The following BEX1 variants were observed in gnomAD, a reference collection of about 807,000 sequenced individuals.
The protein encoded by BEX1 is brain expressed X-linked 1.
For synonymous variants in BEX1, 41 were observed against 33.4 expected (o/e 1.23, Z -0.79); for missense variants, 86 against 99.2 (o/e 0.87, Z 0.57).
intron 1 of BEX1, 120 bp downstream of exon 1, chrX:103,063,976 C>T (rs1194876756): frequency 8.8e-6 from 1 of 114,251 alleles, no homozygotes; most frequent in Non-Finnish European, 1.8e-5. Flanking sequence ...CACTATGTTC[C>T]CAAGAATGTT....
In BEX1 at chrX:103,063,266, G is replaced by A. The variant is rs1457920185; in HGVS notation, c.9C>T (p.Ser3=). The A allele has an allele frequency of 8.3e-7, 1 of 1,206,991 alleles. No homozygotes were observed. Among genetic ancestry groups the A allele is most frequent in the Admixed American group, 2.2e-5 (1 of 45,605 alleles). ...GACTGTTTACTGCTCGTTTCTCTTT[G>A]GACTCCATTACTCCTAGGAGACAAA... is the stretch of plus-strand genomic sequence containing the variant. ME[S]KEKRAVNSLS... Residue 3 remains serine (S), a synonymous_variant, in exon 3 of 3, where the codon TCC becomes TCT. Coordinates refer to ENST00000372728, the MANE Select transcript of BEX1 (RefSeq NM_018476.4).
Position 103,062,736 on chromosome X carries a change from T to A in BEX1, c.*161A>T, listed in dbSNP as rs2063481554. 5.3e-6 allele frequency: 4 copies of A among 755,612 alleles called. No individual in the cohort carries two copies. In the Admixed American group the frequency reaches 1.5e-4, roughly 28 times the overall value. 62.3% of individuals were successfully genotyped at this position (755,612 alleles called of 1,213,427 possible). On this transcript the variant is annotated 3_prime_UTR_variant, in exon 3 of 3. Coordinates refer to ENST00000372728, the MANE Select transcript of BEX1 (RefSeq NM_018476.4). Reference sequence around the variant, plus strand: ...AAAATTCTTCTGCTAACAAAAATCTTACAGACTGGTTCAAAAACACAATAT... The same window carrying A: ...AAAATTCTTCTGCTAACAAAAATCTAACAGACTGGTTCAAAAACACAATAT...
chrX:103,063,097 G>A lies in BEX1; in HGVS notation c.178C>T (p.Leu60=), dbSNP rs138219242. 189 of 1,209,917 alleles carry A rather than the reference G, an allele frequency of 1.6e-4. No homozygotes were observed. Among genetic ancestry groups the A allele is most frequent in the Non-Finnish European group, 2.0e-4 (180 of 895,216 alleles). Residue 60 remains leucine (L), a synonymous_variant, in exon 3 of 3, where the codon CTG becomes TTG. Transcript: ENST00000372728. ...TGCATCATATCCCATCTATACTGCA[G>A]GATGGGCTGCCTAACGCGGAACCGC... is the stretch of plus-strand genomic sequence containing the variant. ...RRRFRVRQPI[L]QYRWDMMHRL...
At position 103,064,156 on chromosome X, in the gene BEX1, G is replaced by T; in HGVS notation, c.-156C>A. 1 of 515,079 alleles carries T rather than the reference G, an allele frequency of 1.9e-6. No homozygotes were observed. The highest frequency in any genetic ancestry group is 2.4e-6 in the Non-Finnish European group (1 of 419,109). 42.4% of individuals were successfully genotyped at this position (515,079 alleles called of 1,213,427 possible). On this transcript the variant is annotated 5_prime_UTR_variant, in exon 1 of 3. Coordinates refer to ENST00000372728, the MANE Select transcript of BEX1 (RefSeq NM_018476.4). ...CCGAGCGCAGGGCAGCGGGGAGCTG[G>T]TAGCGAGACACGAGTGACGACTGCA... is the stretch of plus-strand genomic sequence containing the variant.
At position 103,063,268 on chromosome X, in the gene BEX1, A is replaced by G. The variant is rs769480345; in HGVS notation, c.7T>C (p.Ser3Pro). The change falls in exon 3 of 3, where the codon TCC becomes CCC. Residue 3 changes from serine (S) to proline (P), a missense_variant. Coordinates refer to ENST00000372728, the MANE Select transcript of BEX1 (RefSeq NM_018476.4). MESKEKRAVNSLS... is the reference protein window; with the variant it reads MEPKEKRAVNSLS... ...CTGTTTACTGCTCGTTTCTCTTTGGACTCCATTACTCCTAGGAGACAAAAG... is the reference window on the plus strand; with the variant it reads ...CTGTTTACTGCTCGTTTCTCTTTGGGCTCCATTACTCCTAGGAGACAAAAG... The G allele has an allele frequency of 8.3e-7, 1 of 1,206,169 alleles. No homozygotes were observed. Among genetic ancestry groups the G allele is most frequent in the East Asian group, 3.0e-5 (1 of 33,788 alleles).
chrX:103,063,598 G>A (rs972973145), intron 2 of BEX1, 44 bp downstream of exon 2: 1 of 317,484 alleles, frequency 3.1e-6, no homozygotes, highest in African/African-American at 2.6e-5. Context: ...GGGGACCTCA[G>A]ACTGGACTCT....
rs1017078939 is a variant in BEX1 at position 103,063,361 on chromosome X, T to C, written c.-5-82A>G. ...AGGACAGAGGCACGGCTACTCATTTTTCAGGATTCCGCGTCATGGCTATCA... is the reference window on the plus strand; with the variant it reads ...AGGACAGAGGCACGGCTACTCATTTCTCAGGATTCCGCGTCATGGCTATCA... On this transcript the variant is annotated intron_variant, in intron 2 of 2. Coordinates refer to ENST00000372728, the MANE Select transcript of BEX1 (RefSeq NM_018476.4). The C allele has an allele frequency of 4.1e-6, 4 of 976,307 alleles. No individual in the cohort carries two copies. The African/African-American group carries it at 7.8e-5, about 19-fold the overall frequency. The allele number at this position is 976,307 out of a possible 1,213,427, so 80.5% of individuals were successfully genotyped here. A position where few individuals can be genotyped will look rare whatever the true frequency, so the allele number is the denominator to read the frequency against.
In BEX1 at chrX:103,063,297, A is replaced by C. The variant is rs1324265798; in HGVS notation, c.-5-18T>G. On this transcript the variant is annotated intron_variant, in intron 2 of 2. Coordinates refer to ENST00000372728, the MANE Select transcript of BEX1 (RefSeq NM_018476.4). Reference sequence around the variant, plus strand: ...CATTACTCCTAGGAGACAAAAGGAGAGAGAAGGGGCTGAACAGCTGGTGAA... The same window carrying C: ...CATTACTCCTAGGAGACAAAAGGAGCGAGAAGGGGCTGAACAGCTGGTGAA... 1 of 1,197,675 alleles carries C rather than the reference A, an allele frequency of 8.3e-7. No homozygotes were observed.
rs1921607558 is a variant in BEX1, at chrX:103,063,714, C to G, written c.-78G>C. On this transcript the variant is annotated 5_prime_UTR_variant, in exon 2 of 3. Coordinates refer to ENST00000372728, the MANE Select transcript of BEX1 (RefSeq NM_018476.4). ...GGTGCGCCGCCGGGACACTTGGCCC[C>G]GCAGACCTGCAGAAGGGCTGGGGTG... 1 of 181,035 alleles carries G rather than the reference C, an allele frequency of 5.5e-6. No individual in the cohort carries two copies. The highest frequency in any genetic ancestry group is 3.0e-5 in the African/African-American group (1 of 32,951). The allele number at this position is 181,035 out of a possible 1,213,427, so 14.9% of individuals were successfully genotyped here. A position where few individuals can be genotyped will look rare whatever the true frequency, so the allele number is the denominator to read the frequency against.
At position 103,064,137 on chromosome X, in the gene BEX1, G is replaced by A; in HGVS notation, c.-137C>T. 5.8e-6 allele frequency: 3 copies of A among 519,338 alleles called. No homozygotes were observed. The highest frequency in any genetic ancestry group is 9.8e-5 in the South Asian group (1 of 10,246). The allele number at this position is 519,338 out of a possible 1,213,427, so 42.8% of individuals were successfully genotyped here. A position where few individuals can be genotyped will look rare whatever the true frequency, so the allele number is the denominator to read the frequency against. ...CGGGCCGGATGCCAGCCCGCCGAGC[G>A]CAGGGCAGCGGGGAGCTGGTAGCGA... is the stretch of plus-strand genomic sequence containing the variant. On this transcript the variant is annotated 5_prime_UTR_variant, in exon 1 of 3. Coordinates refer to ENST00000372728, the MANE Select transcript of BEX1 (RefSeq NM_018476.4).
Position 103,063,693 on chromosome X carries a change from C to G in BEX1, c.-57G>C. 1 of 186,219 alleles carries G rather than the reference C, an allele frequency of 5.4e-6. No individual in the cohort carries two copies. The highest frequency in any genetic ancestry group is 9.9e-6 in the Non-Finnish European group (1 of 101,488). 15.3% of individuals were successfully genotyped at this position (186,219 alleles called of 1,213,427 possible). The stretch of plus-strand genomic sequence containing the variant: ...TTCTCCCGATTCTCGCCACGAGGTG[C>G]GCCGCCGGGACACTTGGCCCCGCAG... On this transcript the variant is annotated 5_prime_UTR_variant, in exon 2 of 3. Coordinates refer to ENST00000372728, the MANE Select transcript of BEX1 (RefSeq NM_018476.4).
chrX:103,062,697 T>C lies in BEX1; in HGVS notation c.*200A>G. 2.0e-6 allele frequency: 1 copy of C among 490,995 alleles called. No individual in the cohort carries two copies. The allele number at this position is 490,995 out of a possible 1,213,427, so 40.5% of individuals were successfully genotyped here. On this transcript the variant is annotated 3_prime_UTR_variant, in exon 3 of 3. Coordinates refer to ENST00000372728, the MANE Select transcript of BEX1 (RefSeq NM_018476.4). Reference sequence around the variant, plus strand: ...TTAACTTCACTATAATGAGCATCTTTCCATGCAATAGGTAAAATTCTTCTG... The same window carrying C: ...TTAACTTCACTATAATGAGCATCTTCCCATGCAATAGGTAAAATTCTTCTG...
Position 103,062,807 on chromosome X carries a change from G to A in BEX1, c.*90C>T, listed in dbSNP as rs1045205. On this transcript the variant is annotated 3_prime_UTR_variant, in exon 3 of 3. Coordinates refer to ENST00000372728, the MANE Select transcript of BEX1 (RefSeq NM_018476.4). ...GGAGACCCACGTAAACAAGTGACAGGTAAAGGTTTACAACAAGGGCACATC... is the reference window on the plus strand; with the variant it reads ...GGAGACCCACGTAAACAAGTGACAGATAAAGGTTTACAACAAGGGCACATC... 7.1e-6 allele frequency: 8 copies of A among 1,129,582 alleles called. No individual in the cohort carries two copies. The highest frequency in any genetic ancestry group is 3.0e-5 in the East Asian group (1 of 33,195). 93.1% of individuals were successfully genotyped at this position (1,129,582 alleles called of 1,213,427 possible).
chrX:103,064,166 A>G lies in BEX1; in HGVS notation c.-166T>C, dbSNP rs766611910. Reference sequence around the variant, plus strand: ...GGCAGCGGGGAGCTGGTAGCGAGACACGAGTGACGACTGCACCGAAGGCTG... The same window carrying G: ...GGCAGCGGGGAGCTGGTAGCGAGACGCGAGTGACGACTGCACCGAAGGCTG... On this transcript the variant is annotated 5_prime_UTR_variant, in exon 1 of 3. Transcript: ENST00000372728. 1.4e-5 allele frequency: 7 copies of G among 488,472 alleles called. 1 individual carries two copies. Among genetic ancestry groups the G allele is most frequent in the Non-Finnish European group, 1.5e-5 (6 of 396,048 alleles). The allele number at this position is 488,472 out of a possible 1,213,427, so 40.3% of individuals were successfully genotyped here.
At position 103,063,052 on chromosome X, in the gene BEX1, C is replaced by A; in HGVS notation, c.223G>T (p.Ala75Ser). The A allele has an allele frequency of 3.3e-6, 4 of 1,211,784 alleles. No homozygotes were observed. The highest frequency in any genetic ancestry group is 4.5e-6 in the Non-Finnish European group (4 of 895,545). Residue 75 changes from alanine (A) to serine (S), a missense_variant, in exon 3 of 3, where the codon GCA becomes TCA. Coordinates refer to ENST00000372728, the MANE Select transcript of BEX1 (RefSeq NM_018476.4). ...TCCATATTCTCTTCTCTCATCCTTGCCTGTGGTTCTCCAAGCCTATGCATC... is the reference window on the plus strand; with the variant it reads ...TCCATATTCTCTTCTCTCATCCTTGACTGTGGTTCTCCAAGCCTATGCATC... ...DMMHRLGEPQ[A>S]RMREENMERI...
intron 2 of BEX1, 78 bp downstream of exon 2, chrX:103,063,564 G>A (rs1488962982): frequency 8.7e-6 from 3 of 342,962 alleles, no homozygotes; most frequent in Non-Finnish European, 1.5e-5. Context: ...CCAAAATGGA[G>A]GACGGGAGAT....
In BEX1 at chrX:103,063,349, G is replaced by A. The variant is rs1481041588; in HGVS notation, c.-5-70C>T. 4 of 1,021,430 alleles carry A rather than the reference G, an allele frequency of 3.9e-6. No homozygotes were observed. In the African/African-American group the frequency reaches 5.8e-5, roughly 15 times the overall value. 84.2% of individuals were successfully genotyped at this position (1,021,430 alleles called of 1,213,427 possible). A position where few individuals can be genotyped will look rare whatever the true frequency, so the allele number is the denominator to read the frequency against. On this transcript the variant is annotated intron_variant, in intron 2 of 2. Coordinates refer to ENST00000372728, the MANE Select transcript of BEX1 (RefSeq NM_018476.4). ...GCTTCAGTACCGAGGACAGAGGCAC[G>A]GCTACTCATTTTTCAGGATTCCGCG...
At position 103,062,981 on chromosome X, in the gene BEX1, T is replaced by C. The variant is rs1183472335; in HGVS notation, c.294A>G (p.Glu98=). 1 of 1,211,423 alleles carries C rather than the reference T, an allele frequency of 8.3e-7. No homozygotes were observed. ...EVRQLMEKLR[E]KQLSHSLRAV... is the part of the protein sequence containing the mutation. Reference sequence around the variant, plus strand: ...CCCGCAGACTATGACTCAACTGCTTTTCCCTCAGCTTTTCCATCAGCTGTC... The same window carrying C: ...CCCGCAGACTATGACTCAACTGCTTCTCCCTCAGCTTTTCCATCAGCTGTC... Residue 98 remains glutamate, a synonymous_variant, in exon 3 of 3, where the codon GAA becomes GAG. Transcript: ENST00000372728.
chrX:103,062,879 T>C lies in BEX1; in HGVS notation c.*18A>G, dbSNP rs1045169. 2 of 1,208,264 alleles carry C rather than the reference T, an allele frequency of 1.7e-6. No homozygotes were observed. Among genetic ancestry groups the C allele is most frequent in the South Asian group, 1.8e-5 (1 of 56,470 alleles). ...CAGGGGTCTGTTTCCGTAATAACTTTAGGGAAACCATCAGGATTCAGGGCA... is the reference window on the plus strand; with the variant it reads ...CAGGGGTCTGTTTCCGTAATAACTTCAGGGAAACCATCAGGATTCAGGGCA... On this transcript the variant is annotated 3_prime_UTR_variant, in exon 3 of 3. Transcript: ENST00000372728.
Sources: gnomAD v4.1 joint callset for allele counts on GRCh38, gnomAD v4.1.1 for gene constraint, MANE v1.5 for transcripts, NCBI Gene and HGNC (gene_info 2026-07-23, HGNC 2026-07-21) for gene names.